Variants in VPS45 observed in about 807,000 individuals in gnomAD.
VPS45 encodes vacuolar protein sorting 45 homolog.
Under a neutral mutation model 75.9 loss-of-function variants are expected in VPS45, and 35 were observed. The ratio of observed to expected loss-of-function variants is 0.46; its 90% CI spans 0.35 to 0.61. The LOEUF is 0.61. VPS45 is among the 20% of genes least tolerant of loss of function. VPS45 has a pLI of 0.00. For synonymous variants in VPS45, 220 were observed against 238.2 expected (o/e 0.92, Z 0.70); for missense variants, 559 against 685.9 (o/e 0.81, Z 2.07).
At chr1:150,109,421 C>G (rs1657517865) in intron 13 of VPS45, 1 of 152,048 alleles carries the variant, frequency 6.6e-6, no homozygotes, top group South Asian at 2.1e-4. Flanking sequence ...TGAAGTCCCA[C>G]AAGAACAAAT....
chr1:150,113,172 C>A (rs74127449), intron 14 of VPS45, among the ~76,000 whole-genome samples: 3,281 of 152,084 alleles, frequency 0.022, 98 homozygotes, highest in African/African-American at 0.074. Flanking sequence ...TTGGCCTTTC[C>A]GGCAACTAGC....
chr1:150,131,466 G>T (rs1219722708), intron 14 of VPS45, among the ~76,000 whole-genome samples: 2 of 152,052 alleles, frequency 1.3e-5, no homozygotes, highest in African/African-American at 4.8e-5. Flanking sequence ...AGACAAGATC[G>T]CACCATTGCA....
chr1:150,113,465 A>G (rs1657753261), intron 14 of VPS45, among the ~76,000 whole-genome samples: 1 of 152,210 alleles, frequency 6.6e-6, no homozygotes, highest in Non-Finnish European at 1.5e-5. Flanking sequence ...AAGAAATAGC[A>G]CATTGCCAGC....
In VPS45 at chr1:150,077,576, A is replaced by G. The variant is rs1246230382; in HGVS notation, c.577-93A>G. 8.9e-6 allele frequency: 8 copies of G among 901,604 alleles called. No individual in the cohort carries two copies. The East Asian group carries it at 1.1e-4, about 12-fold the overall frequency. The allele number at this position is 901,604 out of a possible 1,614,324, so 55.9% of individuals were successfully genotyped here. Reference sequence around the variant, plus strand: ...AAGATCTATGTGGGTGCAAAGAACTATTGTTAAATGTAGTGTTTATTAATT... The same window carrying G: ...AAGATCTATGTGGGTGCAAAGAACTGTTGTTAAATGTAGTGTTTATTAATT... On this transcript the variant is annotated intron_variant, in intron 6 of 14. Transcript: ENST00000644510.
chr1:150,084,093 A>C lies in VPS45; in HGVS notation c.1104+1210A>C, dbSNP rs587769972. ...AAGAATGAATAGAATTTGGGGAAGGAGTTCAGCCAGGAGCAGCAAAAGCAA... is the reference window on the plus strand; with the variant it reads ...AAGAATGAATAGAATTTGGGGAAGGCGTTCAGCCAGGAGCAGCAAAAGCAA... On this transcript the variant is annotated intron_variant, in intron 10 of 14. Coordinates refer to ENST00000644510, the MANE Select transcript of VPS45 (RefSeq NM_007259.5). 2.0e-5 allele frequency among the ~76,000 whole-genome samples: 3 copies of C among 152,316 alleles called. No homozygotes were observed. In the East Asian group the frequency reaches 5.8e-4, roughly 29 times the overall value.
At chr1:150,079,897 AAG>A (rs1185289186) in intron 7 of VPS45, among the ~76,000 whole-genome samples, 9 of 152,344 alleles carry the variant, frequency 5.9e-5, no homozygotes, top group Non-Finnish European at 1.2e-4. Flanking sequence ...AAAAAGTAGA[AAG>A]AAAATTAATT....
At chr1:150,099,306 C>T (rs1424774981) in intron 13 of VPS45, among the ~76,000 whole-genome samples, 3 of 151,460 alleles carry the variant, frequency 2.0e-5, no homozygotes, top group Non-Finnish European at 4.4e-5. Context: ...ACTAGCCTGG[C>T]CAACATAGTG....
intron 13 of VPS45, among the ~76,000 whole-genome samples, chr1:150,100,118 A>C (rs1230138653): frequency 2.0e-5 from 3 of 152,226 alleles, no homozygotes; most frequent in African/African-American, 7.2e-5. Context: ...CCTTCAGCTG[A>C]TAAACAACTT....
intron 14 of VPS45, among the ~76,000 whole-genome samples, chr1:150,113,211 C>A (rs1157429273): frequency 7.9e-5 from 12 of 152,018 alleles, no homozygotes; most frequent in Non-Finnish European, 7.4e-5. Context: ...TAGAGGCCCA[C>A]CAAGAGTCAT....
intron 14 of VPS45, among the ~76,000 whole-genome samples, chr1:150,111,174 C>T (rs1322695989): frequency 1.3e-5 from 2 of 151,992 alleles, no homozygotes; most frequent in Non-Finnish European, 2.9e-5. Flanking sequence ...AACAAGTGCC[C>T]AGAGAGGCAG....
At chr1:150,105,758 A>T (rs979404638) in intron 13 of VPS45, among the ~76,000 whole-genome samples, 2 of 152,194 alleles carry the variant, frequency 1.3e-5, no homozygotes, top group Non-Finnish European at 2.9e-5. Context: ...TAGGAAAAAG[A>T]ATCCTAAAGT....
intron 3 of VPS45, among the ~76,000 whole-genome samples, chr1:150,072,982 T>C (rs1299749222): frequency 6.6e-6 from 1 of 152,210 alleles, no homozygotes; most frequent in South Asian, 2.1e-4. Context: ...TCTTTGTTAC[T>C]ATATTTAATG....
At chr1:150,103,547 C>G (rs1553805080) in intron 13 of VPS45, among the ~76,000 whole-genome samples, 1 of 152,120 alleles carries the variant, frequency 6.6e-6, no homozygotes, top group Admixed American at 6.6e-5. Flanking sequence ...ATGTATATAA[C>G]CTACACCCAC....
chr1:150,137,042 G>C (rs1659145632), intron 14 of VPS45, among the ~76,000 whole-genome samples: 1 of 152,108 alleles, frequency 6.6e-6, no homozygotes, highest in African/African-American at 2.4e-5. Context: ...GGGACCACAG[G>C]TGCATGCTAC....
At chr1:150,117,115 C>A (rs1019526836) in intron 14 of VPS45, among the ~76,000 whole-genome samples, 1 of 151,740 alleles carries the variant, frequency 6.6e-6, no homozygotes. Context: ...GCAGGAGAAT[C>A]ACTTGAACCT....
At chr1:150,114,166 A>G (rs1461549047) in intron 14 of VPS45, among the ~76,000 whole-genome samples, 5 of 151,832 alleles carry the variant, frequency 3.3e-5, no homozygotes, top group Non-Finnish European at 5.9e-5. Context: ...TCTTTCTTCA[A>G]TCCAATTTTC....
At chr1:150,073,541 ATTTTTGTTTGT>A (rs1553797436) in intron 3 of VPS45, among the ~76,000 whole-genome samples, 3 of 152,036 alleles carry the variant, frequency 2.0e-5, no homozygotes, top group African/African-American at 7.2e-5. Flanking sequence ...TGGCAACTTA[ATTTTTGTTTGT>A]TTTTGTCTGT....
intron 10 of VPS45, 41 bp downstream of exon 10, chr1:150,082,924 T>C (rs1655797886): frequency 3.2e-6 from 5 of 1,554,106 alleles, no homozygotes; most frequent in Non-Finnish European, 3.5e-6. Context: ...TGTAAGGCAC[T>C]GTGCCAGGCA....
intron 14 of VPS45, among the ~76,000 whole-genome samples, chr1:150,119,033 G>C (rs975830147): frequency 2.0e-5 from 3 of 152,110 alleles, no homozygotes; most frequent in African/African-American, 7.2e-5. Context: ...TTTGTAAATA[G>C]ATAGCCCTAG....
Sources: allele counts gnomAD v4.1 joint callset (sites outside exome capture counted in the v4.1 genomes callset), GRCh38; gene constraint gnomAD v4.1.1; transcripts MANE v1.5; gene names NCBI Gene and HGNC (gene_info 2026-07-23, HGNC 2026-07-21).